Variants in FHOD3 observed in about 807,000 individuals in gnomAD.
FHOD3 encodes the protein FH1/FH2 domain-containing protein 3.
FHOD3 carries 90 observed loss-of-function variants against 173.0 expected under a neutral mutation model. The observed-to-expected ratio is 0.52, with a 90% confidence interval of 0.44 to 0.62. FHOD3 has a LOEUF of 0.62. Ranked by LOEUF, FHOD3 falls within the 20% of genes least tolerant of loss-of-function variation. The pLI is 0.00. For missense variants in FHOD3, 1,945 were observed against 2,034.7 expected (o/e 0.96, Z 0.85); for synonymous variants, 828 against 823.0 (o/e 1.01, Z -0.10).
At chr18:36,647,193 A>G (rs1466143941) in intron 10 of FHOD3, among the ~76,000 whole-genome samples, 4 of 152,226 alleles carry the variant, frequency 2.6e-5, no homozygotes, top group African/African-American at 4.8e-5. Flanking sequence ...GTGAGCCAAG[A>G]TCGTGCCACT....
At chr18:36,725,104 C>G (rs920383973) in intron 19 of FHOD3, among the ~76,000 whole-genome samples, 1 of 152,234 alleles carries the variant, frequency 6.6e-6, no homozygotes, top group African/African-American at 2.4e-5. Flanking sequence ...TCACATCCAG[C>G]CAACCCCTAG....
At chr18:36,406,080 TTTGTTTTTGTTTTTG>T (rs1435776583) in intron 3 of FHOD3, among the ~76,000 whole-genome samples, 13 of 138,424 alleles carry the variant, frequency 9.4e-5, no homozygotes, top group East Asian at 4.2e-4. Flanking sequence ...TTGCCTGTTT[TTTGTTTTTGTTTTTG>T]TTTTTTTGTT....
At chr18:36,318,891 C>A (rs906445650) in intron 1 of FHOD3, among the ~76,000 whole-genome samples, 3 of 152,102 alleles carry the variant, frequency 2.0e-5, no homozygotes, top group Non-Finnish European at 2.9e-5. Context: ...TTTTGAGATA[C>A]ATTCCATTAA....
At chr18:36,405,210 T>C (rs2049002158) in intron 3 of FHOD3, among the ~76,000 whole-genome samples, 1 of 152,240 alleles carries the variant, frequency 6.6e-6, no homozygotes, top group Non-Finnish European at 1.5e-5. Context: ...TTCCATTTAG[T>C]AGCTATTTTC....
intron 5 of FHOD3, among the ~76,000 whole-genome samples, chr18:36,565,299 T>A (rs975286602): frequency 6.6e-6 from 1 of 152,220 alleles, no homozygotes; most frequent in African/African-American, 2.4e-5. Flanking sequence ...ATCCCTTCTT[T>A]AAGATGAATT....
At chr18:36,592,155 G>C (rs952344213) in intron 6 of FHOD3, among the ~76,000 whole-genome samples, 2 of 152,164 alleles carry the variant, frequency 1.3e-5, no homozygotes, top group African/African-American at 2.4e-5. Context: ...GGAGGTGGAG[G>C]TTGCAGTGAG....
At chr18:36,310,714 A>T (rs1212930478) in intron 1 of FHOD3, among the ~76,000 whole-genome samples, 4 of 151,994 alleles carry the variant, frequency 2.6e-5, no homozygotes, top group African/African-American at 9.7e-5. Context: ...AAAGAAAAAA[A>T]AAAGAAATGT....
chr18:36,385,003 G>A (rs899877357), intron 3 of FHOD3, among the ~76,000 whole-genome samples: 1 of 152,076 alleles, frequency 6.6e-6, no homozygotes, highest in African/African-American at 2.4e-5. Flanking sequence ...CTAAAGGAAT[G>A]TGACTTTAGA....
chr18:36,676,167 A>G (rs2037843861), intron 14 of FHOD3, among the ~76,000 whole-genome samples: 1 of 152,164 alleles, frequency 6.6e-6, no homozygotes, highest in South Asian at 2.1e-4. Context: ...GATGATCACT[A>G]CACTGAATTT....
intron 3 of FHOD3, among the ~76,000 whole-genome samples, chr18:36,414,626 A>T (rs2049529157): frequency 6.6e-6 from 1 of 152,126 alleles, no homozygotes; most frequent in Admixed American, 6.5e-5. Flanking sequence ...ACCTTGGGGG[A>T]TGATCCCGTG....
chr18:36,590,961 G>C (rs934997203), intron 6 of FHOD3, among the ~76,000 whole-genome samples: 2 of 152,176 alleles, frequency 1.3e-5, no homozygotes, highest in African/African-American at 4.8e-5. Context: ...ACCAGCTAAT[G>C]GGGGGAGTGG....
chr18:36,629,305 A>G (rs1394696191), intron 10 of FHOD3, among the ~76,000 whole-genome samples: 1 of 152,220 alleles, frequency 6.6e-6, no homozygotes, highest in African/African-American at 2.4e-5. Context: ...TGGCATGAGC[A>G]TGGCTGCATT....
chr18:36,583,649 C>T (rs2058930507), intron 6 of FHOD3, among the ~76,000 whole-genome samples: 1 of 152,142 alleles, frequency 6.6e-6, no homozygotes, highest in African/African-American at 2.4e-5. Context: ...GGTCCCAGCC[C>T]TGCCCCCAGC....
chr18:36,379,909 T>C (rs528478708), intron 3 of FHOD3, among the ~76,000 whole-genome samples: 1 of 152,310 alleles, frequency 6.6e-6, no homozygotes, highest in African/African-American at 2.4e-5. Flanking sequence ...TATAGAAATT[T>C]TGGTATCCAG....
rs897883359 is a variant in FHOD3, at chr18:36,649,388, C to T, written c.1269C>T (p.Ser423=). The T allele has an allele frequency of 2.9e-5, 44 of 1,535,592 alleles. 1 individual carries two copies. The Admixed American group carries it at 5.1e-4, about 18-fold the overall frequency. ...AAGAAGAGAGAGAGGATGATGCTTC[C>T]TGTCAGGGCAAGGACAGGTACCTAG... The part of the protein sequence containing the change: ...SSEEEREDDA[S]CQGKDSKVGA... The change falls in exon 11 of 29, where the codon TCC becomes TCT. Residue 423 remains serine, a synonymous_variant. Transcript: ENST00000590592.
At chr18:36,371,628 T>C (rs1279542868) in intron 2 of FHOD3, among the ~76,000 whole-genome samples, 1 of 152,238 alleles carries the variant, frequency 6.6e-6, no homozygotes, top group Non-Finnish European at 1.5e-5. Flanking sequence ...ACCATACTTC[T>C]GTCTCTTACC....
At chr18:36,307,523 TA>T (rs2144589138) in intron 1 of FHOD3, among the ~76,000 whole-genome samples, 1 of 152,356 alleles carries the variant, frequency 6.6e-6, no homozygotes, top group South Asian at 2.1e-4. Context: ...GTGGCAGAAG[TA>T]AAGAGCTGTT....
intron 13 of FHOD3, among the ~76,000 whole-genome samples, chr18:36,656,865 A>T (rs2036462113): frequency 6.6e-6 from 1 of 152,182 alleles, no homozygotes; most frequent in Non-Finnish European, 1.5e-5. Context: ...AGTAGTTTTT[A>T]GTTTTCTACC....
chr18:36,489,441 C>G (rs2054353108), intron 3 of FHOD3, among the ~76,000 whole-genome samples: 1 of 152,124 alleles, frequency 6.6e-6, no homozygotes, highest in African/African-American at 2.4e-5. Context: ...GTGGCTCACT[C>G]CTGTAATCAC....
Sources: allele counts gnomAD v4.1 joint callset (sites outside exome capture counted in the v4.1 genomes callset), GRCh38; gene constraint gnomAD v4.1.1; transcripts MANE v1.5; gene names NCBI Gene and HGNC (gene_info 2026-07-23, HGNC 2026-07-21).